The following RAB35 variants were observed in gnomAD, a reference collection of about 807,000 sequenced individuals.
RAB35 encodes the protein RAB35, member RAS oncogene family.
A neutral mutation model predicts 28.9 loss-of-function variants in RAB35; 4 were observed. That is an observed-to-expected ratio of 0.14 (90% CI 0.07 to 0.32). The LOEUF is 0.32. Among genes scored for constraint, RAB35 ranks in the 10% least tolerant of loss-of-function variants. The probability of loss-of-function intolerance (pLI) is 1.00; values close to 1 mark genes in which losing one functional copy is unlikely to be tolerated. For synonymous variants in RAB35, 99 were observed against 105.1 expected (o/e 0.94, Z 0.35); for missense variants, 128 against 274.0 (o/e 0.47, Z 3.76).
Position 120,110,290 on chromosome 12 carries a change from A to ATTTTTTTTTTTTTT in RAB35, c.53-1837_53-1824dup, listed in dbSNP as rs3999541. 1.0e-3 allele frequency among the ~76,000 whole-genome samples: 90 copies of ATTTTTTTTTTTTTT among 88,566 alleles called. 13 individuals carry two copies. The highest frequency in any genetic ancestry group is 1.6e-3 in the African/African-American group (32 of 20,056). The allele number at this position is 88,566 out of a possible 152,430, so 58.1% of individuals were successfully genotyped here. On this transcript the variant is annotated intron_variant, in intron 1 of 5. Transcript: ENST00000229340. ...TCTGTTCATGGGAGAAGCCCACAGC[A>ATTTTTTTTTTTTTT]TTTTTTTTTTTTTTGGAGAGATAGG... is the stretch of plus-strand genomic sequence containing the variant.
At chr12:120,108,875 A>G (rs913078079) in intron 1 of RAB35, among the ~76,000 whole-genome samples, 2 of 152,244 alleles carry the variant, frequency 1.3e-5, no homozygotes, top group Non-Finnish European at 2.9e-5. Context: ...CACATCAGTT[A>G]GGGAGCCGCC....
chr12:120,103,740 A>G lies in RAB35; in HGVS notation c.227+86T>C. ...ACAGCCTCAGGGACCCACCAGTGACATTTCCACCATGACCAGGCACCGGTC... is the reference window on the plus strand; with the variant it reads ...ACAGCCTCAGGGACCCACCAGTGACGTTTCCACCATGACCAGGCACCGGTC... On this transcript the variant is annotated intron_variant, in intron 3 of 5. Coordinates refer to ENST00000229340, the MANE Select transcript of RAB35 (RefSeq NM_006861.7). This position sits in a 1 kb window ranked among gnomAD's most constrained non-coding sequence, Gnocchi z 6.1. 1.3e-6 allele frequency: 2 copies of G among 1,558,868 alleles called. No homozygotes were observed. The highest frequency in any genetic ancestry group is 1.7e-6 in the Non-Finnish European group (2 of 1,149,908).
chr12:120,097,476 C>T, intron 5 of RAB35, 103 bp from the exon 6 acceptor site: 2 of 901,780 alleles, frequency 2.2e-6, no homozygotes, highest in South Asian at 1.7e-5. Flanking sequence ...CTCTTTCTAC[C>T]TGTGCATTTT....
At position 120,097,074 on chromosome 12, in the gene RAB35, G is replaced by A. The variant is rs1875443043; in HGVS notation, c.*171C>T. 1.3e-6 allele frequency: 2 copies of A among 1,544,258 alleles called. No homozygotes were observed. The highest frequency in any genetic ancestry group is 4.8e-5 in the East Asian group (2 of 41,280). Reference sequence around the variant, plus strand: ...GGGCGGGCTGGTCCAACACCTTCTTGGCACTCGAGGAGGGCGGGGGAGGAA... The same window carrying A: ...GGGCGGGCTGGTCCAACACCTTCTTAGCACTCGAGGAGGGCGGGGGAGGAA... On this transcript the variant is annotated 3_prime_UTR_variant, in exon 6 of 6. Transcript: ENST00000229340.
chr12:120,107,660 C>T (rs567847560), intron 2 of RAB35, among the ~76,000 whole-genome samples: 71 of 151,932 alleles, frequency 4.7e-4, no homozygotes, highest in Middle Eastern at 3.4e-3. Flanking sequence ...TGAGGTCAGA[C>T]GTTCGAGACC....
chr12:120,116,612 G>A lies in RAB35; in HGVS notation c.39C>T (p.Ile13=), dbSNP rs1157302989. Residue 13 remains isoleucine, a synonymous_variant, in exon 1 of 6, where the codon ATC becomes ATT. Coordinates refer to ENST00000229340, the MANE Select transcript of RAB35 (RefSeq NM_006861.7). ...RDYDHLFKLL[I]IGDSGVGKSS... ...TGCGGCCCTCACCGCTGTCGCCGAT[G>A]ATGAGCAGCTTGAAGAGGTGGTCGT... 1 of 1,216,256 alleles carries A rather than the reference G, an allele frequency of 8.2e-7. No homozygotes were observed. Among genetic ancestry groups the A allele is most frequent in the Admixed American group, 4.3e-5 (1 of 23,022 alleles). The allele number at this position is 1,216,256 out of a possible 1,614,324, so 75.3% of individuals were successfully genotyped here.
At chr12:120,107,811 G>A (rs1408147383) in intron 2 of RAB35, among the ~76,000 whole-genome samples, 1 of 137,700 alleles carries the variant, frequency 7.3e-6, no homozygotes, top group African/African-American at 2.8e-5. Context: ...AGGTTGCAGT[G>A]AGCCGAAATC....
intron 5 of RAB35, 102 bp downstream of exon 5, chr12:120,098,709 T>C: frequency 6.6e-7 from 1 of 1,510,466 alleles, no homozygotes. Context: ...TGGCAGTTAC[T>C]ATGACATTTT....
At chr12:120,108,869 T>C (rs909619858) in intron 1 of RAB35, among the ~76,000 whole-genome samples, 2 of 152,288 alleles carry the variant, frequency 1.3e-5, no homozygotes, top group African/African-American at 4.8e-5. Flanking sequence ...TTGTAGCACA[T>C]CAGTTAGGGA....
intron 1 of RAB35, 97 bp downstream of exon 1, chr12:120,116,502 G>T: frequency 2.2e-6 from 1 of 455,632 alleles, no homozygotes; most frequent in Non-Finnish European, 2.9e-6. Context: ...CGCCCGCCCC[G>T]CACGGGCCGG....
At chr12:120,108,222 A>G (rs1308181400) in intron 2 of RAB35, among the ~76,000 whole-genome samples, 195 bp downstream of exon 2, 1 of 152,162 alleles carries the variant, frequency 6.6e-6, no homozygotes, top group Non-Finnish European at 1.5e-5. Flanking sequence ...GAGCAGGTGC[A>G]TTAGACAGAC....
intron 1 of RAB35, among the ~76,000 whole-genome samples, chr12:120,110,422 T>C (rs907840675): frequency 6.1e-5 from 9 of 147,282 alleles, no homozygotes; most frequent in Non-Finnish European, 1.1e-4. Context: ...CAGCAAACTC[T>C]TTAAAAATTT....
chr12:120,102,467 C>T (rs1875697275), intron 3 of RAB35, among the ~76,000 whole-genome samples: 1 of 152,228 alleles, frequency 6.6e-6, no homozygotes. Context: ...CATCAACGGT[C>T]ACCACACAGC....
At chr12:120,108,170 AC>A (rs1284421985) in intron 2 of RAB35, among the ~76,000 whole-genome samples, 1 of 152,098 alleles carries the variant, frequency 6.6e-6, no homozygotes, top group African/African-American at 2.4e-5. Flanking sequence ...TCCTGTTTGG[AC>A]CATGGGTGGG....
chr12:120,116,677 G>T lies in RAB35; in HGVS notation c.-27C>A. The T allele has an allele frequency of 1.6e-6, 2 of 1,223,648 alleles. No homozygotes were observed. Among genetic ancestry groups the T allele is most frequent in the South Asian group, 8.2e-5 (2 of 24,328 alleles). 75.8% of individuals were successfully genotyped at this position (1,223,648 alleles called of 1,614,324 possible). ...GCGGGCGGGGGCGGTGCGCGCGGGCGGGCGGGGTCGGTACTGGCCTCGCGA... is the reference window on the plus strand; with the variant it reads ...GCGGGCGGGGGCGGTGCGCGCGGGCTGGCGGGGTCGGTACTGGCCTCGCGA... On this transcript the variant is annotated 5_prime_UTR_variant, in exon 1 of 6. Coordinates refer to ENST00000229340, the MANE Select transcript of RAB35 (RefSeq NM_006861.7).
chr12:120,103,878 G>A lies in RAB35; in HGVS notation c.175C>T (p.Leu59=), dbSNP rs1451682299. 6.2e-7 allele frequency: 1 copy of A among 1,614,130 alleles called. No individual in the cohort carries two copies. The highest frequency in any genetic ancestry group is 8.5e-7 in the Non-Finnish European group (1 of 1,179,996). ...TVEINGEKVK[L]QIWDTAGQER... is the part of the protein sequence containing the mutation. ...TGCCCCGCTGTGTCCCAGATCTGCA[G>A]CTTCACCTTCTCCCCGTTGATCTCC... Residue 59 remains leucine, a synonymous_variant, in exon 3 of 6, where the codon CTG becomes TTG. Transcript: ENST00000229340. This position sits in a 1 kb window ranked among gnomAD's most constrained non-coding sequence, Gnocchi z 6.1.
chr12:120,109,565 C>G (rs1175095463), intron 1 of RAB35, among the ~76,000 whole-genome samples: 1 of 152,130 alleles, frequency 6.6e-6, no homozygotes, highest in Non-Finnish European at 1.5e-5. Context: ...TGACCTCAGC[C>G]TCCCGAGTAG....
At chr12:120,100,879 C>T (rs900342634) in intron 3 of RAB35, among the ~76,000 whole-genome samples, 8 of 152,192 alleles carry the variant, frequency 5.3e-5, no homozygotes, top group Non-Finnish European at 8.8e-5. Context: ...AGCGAGGGCG[C>T]GCCGGAGCCA....
At chr12:120,113,191 C>CTAT (rs1876191105) in intron 1 of RAB35, among the ~76,000 whole-genome samples, 2 of 132,078 alleles carry the variant, frequency 1.5e-5, no homozygotes, top group African/African-American at 2.8e-5. Flanking sequence ...TGTGCCCGGC[C>CTAT]TTTTTTTTTT....
Sources: gnomAD v4.1 joint callset for allele counts (sites outside exome capture counted in the v4.1 genomes callset) on GRCh38, gnomAD v4.1.1 for gene constraint, Gnocchi (gnomAD v3.1) non-coding constraint, MANE v1.5 for transcripts, NCBI Gene and HGNC (gene_info 2026-07-23, HGNC 2026-07-21) for gene names.